Variants in LINGO1 observed in about 807,000 individuals in gnomAD.
LINGO1 encodes leucine rich repeat and Ig domain containing 1.
LINGO1 carries 11 observed loss-of-function variants against 37.3 expected under a neutral mutation model. The ratio of observed to expected loss-of-function variants is 0.29; its 90% confidence interval spans 0.19 to 0.49. The LOEUF is 0.49. Among genes scored for constraint, LINGO1 ranks in the 20% least tolerant of loss-of-function variants. LINGO1 has a pLI of 0.99. For missense variants in LINGO1, 585 were observed against 878.2 expected (o/e 0.67, Z 4.22); for synonymous variants, 387 against 403.0 (o/e 0.96, Z 0.48).
chr15:77,794,368 ACATACGTATATG>A (rs2076846078), intron 2 of LINGO1, among the ~76,000 whole-genome samples: 1 of 71,448 alleles, frequency 1.4e-5, no homozygotes, highest in African/African-American at 5.2e-5. Flanking sequence ...ATGTGTATAT[ACATACGTATATG>A]TATATACATA....
chr15:77,751,577 T>C (rs966369082), intron 1 of LINGO1, among the ~76,000 whole-genome samples: 13 of 152,156 alleles, frequency 8.5e-5, no homozygotes, highest in Non-Finnish European at 1.5e-4. Flanking sequence ...GAGGGCTTCC[T>C]GGAGAAGGGT....
chr15:77,736,631 G>T (rs1055263370), intron 1 of LINGO1, among the ~76,000 whole-genome samples: 8 of 152,002 alleles, frequency 5.3e-5, no homozygotes, highest in African/African-American at 1.9e-4. Context: ...AAAATTAGCT[G>T]GGCATGGTGG....
chr15:77,642,206 G>A (rs1195583178), intron 3 of LINGO1, among the ~76,000 whole-genome samples: 1 of 152,180 alleles, frequency 6.6e-6, no homozygotes, highest in Non-Finnish European at 1.5e-5. Flanking sequence ...TAAGACCTGA[G>A]TCCAGGACAG....
chr15:77,756,485 G>C lies in LINGO1; in HGVS notation c.-256-21432C>G, dbSNP rs796433434. On this transcript the variant is annotated intron_variant, in intron 1 of 3. Coordinates refer to the LINGO1 transcript ENST00000561686. ...ACTGACATACAATGACAGACAGACA[G>C]ACACACACACACACACACACACACA... Among the ~76,000 whole-genome samples the C allele has an allele frequency of 1.8e-3, 254 of 140,784 alleles. 1 individual carries two copies. Among genetic ancestry groups the C allele is most frequent in the African/African-American group, 6.2e-3 (223 of 36,200 alleles). The allele number at this position is 140,784 out of a possible 152,430, so 92.4% of individuals were successfully genotyped here. A position where few individuals can be genotyped will look rare whatever the true frequency, so the allele number is the denominator to read the frequency against.
chr15:77,659,074 G>A (rs1026033708), intron 3 of LINGO1, among the ~76,000 whole-genome samples: 2 of 152,222 alleles, frequency 1.3e-5, no homozygotes, highest in African/African-American at 4.8e-5. Flanking sequence ...TTGGGTGCCT[G>A]GAGAAGCTGG....
At chr15:77,809,866 G>A (rs2076988980) in intron 1 of LINGO1, among the ~76,000 whole-genome samples, 1 of 152,156 alleles carries the variant, frequency 6.6e-6, no homozygotes, top group African/African-American at 2.4e-5. Context: ...TCCGAGGTGA[G>A]GTGGCTTCCT....
intron 1 of LINGO1, among the ~76,000 whole-genome samples, chr15:77,808,194 T>C (rs2076975883): frequency 6.6e-6 from 1 of 151,848 alleles, no homozygotes; most frequent in African/African-American, 2.4e-5. Context: ...CCAGAGAACA[T>C]CCACCACTGC....
chr15:77,630,099 C>T (rs1835339123), intron 1 of LINGO1, among the ~76,000 whole-genome samples: 1 of 152,038 alleles, frequency 6.6e-6, no homozygotes, highest in Non-Finnish European at 1.5e-5. Flanking sequence ...GAGTGCCACA[C>T]ACAGGACAGC....
intron 1 of LINGO1, among the ~76,000 whole-genome samples, chr15:77,774,184 G>T (rs2076613700): frequency 1.3e-5 from 2 of 152,108 alleles, no homozygotes; most frequent in Non-Finnish European, 2.9e-5. Flanking sequence ...CTAGAGGGTG[G>T]TGAGTGTGCA....
At chr15:77,714,676 G>A (rs1412728738) in intron 2 of LINGO1, among the ~76,000 whole-genome samples, 3 of 152,238 alleles carry the variant, frequency 2.0e-5, no homozygotes, top group African/African-American at 7.2e-5. Flanking sequence ...CAGGCACTCA[G>A]TAATGTCTGT....
chr15:77,651,747 C>T (rs568442280), intron 3 of LINGO1: 2 of 152,346 alleles, frequency 1.3e-5, no homozygotes, highest in South Asian at 4.1e-4. Context: ...ATGAGCAACT[C>T]CAGCAAGTGA....
At chr15:77,803,453 C>G (rs1221967654) in intron 1 of LINGO1, among the ~76,000 whole-genome samples, 1 of 149,984 alleles carries the variant, frequency 6.7e-6, no homozygotes, top group African/African-American at 2.5e-5. Flanking sequence ...TCCAAACAAA[C>G]AGACAAACAA....
At chr15:77,619,502 T>C (rs1227865392) in intron 1 of LINGO1, among the ~76,000 whole-genome samples, 2 of 151,774 alleles carry the variant, frequency 1.3e-5, no homozygotes, top group African/African-American at 4.8e-5. Flanking sequence ...CTGGGCAACA[T>C]AGTGAGATGC....
chr15:77,807,155 T>C (rs2076967057), intron 1 of LINGO1, among the ~76,000 whole-genome samples: 1 of 152,222 alleles, frequency 6.6e-6, no homozygotes, highest in African/African-American at 2.4e-5. Flanking sequence ...GCAGTCCAAA[T>C]GCTTCTCTTT....
At chr15:77,762,071 C>T (rs1370092137) in intron 1 of LINGO1, among the ~76,000 whole-genome samples, 2 of 152,216 alleles carry the variant, frequency 1.3e-5, no homozygotes, top group African/African-American at 4.8e-5. Flanking sequence ...CCTTAATTCA[C>T]CCTGGCAGGT....
At chr15:77,643,512 G>T (rs1328007714) in intron 3 of LINGO1, among the ~76,000 whole-genome samples, 1 of 152,198 alleles carries the variant, frequency 6.6e-6, no homozygotes, top group Admixed American at 6.5e-5. Flanking sequence ...AGGGAAAGCT[G>T]GGAGCCTCAG....
chr15:77,646,217 G>A (rs559937887), intron 3 of LINGO1: 22 of 273,772 alleles, frequency 8.0e-5, no homozygotes, highest in African/African-American at 4.5e-4. Flanking sequence ...GTCCCCACCT[G>A]TGTCTAGCTG....
chr15:77,796,310 GCACA>G (rs145431085), intron 1 of LINGO1, among the ~76,000 whole-genome samples: 1 of 151,680 alleles, frequency 6.6e-6, no homozygotes. Flanking sequence ...GTGCGGGCGT[GCACA>G]CACACACACA....
At chr15:77,631,703 AG>A (rs1298664746) in intron 1 of LINGO1, among the ~76,000 whole-genome samples, 2 of 152,210 alleles carry the variant, frequency 1.3e-5, no homozygotes, top group Non-Finnish European at 2.9e-5. Context: ...ACGCAGACAA[AG>A]GGGAGGCCCC....
Sources: gnomAD v4.1 joint callset for allele counts (sites outside exome capture counted in the v4.1 genomes callset) on GRCh38, gnomAD v4.1.1 for gene constraint, MANE v1.5 for transcripts, NCBI Gene and HGNC (gene_info 2026-07-23, HGNC 2026-07-21) for gene names.